The following DCTN4 variants were observed in gnomAD, a reference collection of about 807,000 sequenced individuals.
DCTN4 encodes the protein dynactin 4 (p62).
DCTN4 carries 23 observed loss-of-function variants against 62.7 expected under a neutral mutation model. That is an observed-to-expected ratio of 0.37 (90% CI 0.26 to 0.52). DCTN4 has a LOEUF of 0.52. Among genes scored for constraint, DCTN4 ranks in the 20% least tolerant of loss-of-function variants. The pLI is 0.92. For missense variants in DCTN4, 514 were observed against 580.4 expected (o/e 0.89, Z 1.18); for synonymous variants, 199 against 202.1 (o/e 0.98, Z 0.13).
rs867987278 is a variant in DCTN4 at position 150,746,525 on chromosome 5, T to C, written c.386-4368A>G. The stretch of plus-strand genomic sequence containing the variant: ...GACCAATATCCTTGATGAACATTGA[T>C]GCAAAAATCCTCAATAAAATACTGG... On this transcript the variant is annotated intron_variant, in intron 3 of 12. Transcript: ENST00000447998. Among the ~76,000 whole-genome samples, 5 of 152,220 alleles carry C rather than the reference T, an allele frequency of 3.3e-5. 1 individual carries two copies. Among genetic ancestry groups the C allele is most frequent in the Non-Finnish European group, 1.5e-5 (1 of 68,026 alleles).
chr5:150,711,615 C>T (rs1429646479), intron 12 of DCTN4, among the ~76,000 whole-genome samples: 1 of 152,154 alleles, frequency 6.6e-6, no homozygotes, highest in African/African-American at 2.4e-5. Flanking sequence ...AAGTAACTCT[C>T]CCATCTCAGC....
At chr5:150,715,499 C>G in intron 12 of DCTN4, 66 bp downstream of exon 12, 1 of 1,213,104 alleles carries the variant, frequency 8.2e-7, no homozygotes, top group Non-Finnish European at 1.2e-6. Context: ...GACAAGAAAA[C>G]TGGATATAAG....
chr5:150,748,427 C>T (rs1287315110), intron 3 of DCTN4, among the ~76,000 whole-genome samples: 2 of 152,100 alleles, frequency 1.3e-5, no homozygotes, highest in African/African-American at 4.8e-5. Flanking sequence ...CCCAGCCATC[C>T]CATTACTGGG....
chr5:150,736,373 A>C (rs1338337827), intron 4 of DCTN4: 2 of 152,344 alleles, frequency 1.3e-5, no homozygotes, highest in African/African-American at 4.8e-5. Context: ...ACATCAGATA[A>C]CCTATAAAGG....
intron 10 of DCTN4, among the ~76,000 whole-genome samples, chr5:150,718,786 C>A (rs778278001): frequency 4.6e-5 from 7 of 152,140 alleles, no homozygotes; most frequent in Non-Finnish European, 1.0e-4. Context: ...AAATGGCACA[C>A]CAAGACTACA....
At chr5:150,716,563 T>C (rs1759764327) in intron 11 of DCTN4, among the ~76,000 whole-genome samples, 1 of 152,216 alleles carries the variant, frequency 6.6e-6, no homozygotes, top group African/African-American at 2.4e-5. Context: ...AAAGATATGC[T>C]GTGCTTATGC....
intron 3 of DCTN4, among the ~76,000 whole-genome samples, chr5:150,745,498 G>T (rs1760927946): frequency 1.3e-5 from 2 of 151,970 alleles, no homozygotes; most frequent in South Asian, 4.1e-4. Flanking sequence ...ATTTTTTTCA[G>T]CACCACACCA....
chr5:150,722,765 A>T, intron 9 of DCTN4, 142 bp downstream of exon 9: 1 of 605,470 alleles, frequency 1.7e-6, no homozygotes, highest in Non-Finnish European at 2.8e-6. Context: ...TTAAAAACCT[A>T]AACAGGAACA....
At chr5:150,726,748 G>A (rs1760158606) in intron 8 of DCTN4, among the ~76,000 whole-genome samples, 1 of 152,092 alleles carries the variant, frequency 6.6e-6, no homozygotes, top group Non-Finnish European at 1.5e-5. Flanking sequence ...GCTGTACCGT[G>A]GGCTGGTTAT....
intron 4 of DCTN4, among the ~76,000 whole-genome samples, chr5:150,739,567 T>G (rs1561702815): frequency 6.6e-6 from 1 of 152,158 alleles, no homozygotes; most frequent in East Asian, 1.9e-4. Flanking sequence ...TTCACAGAAC[T>G]AGTAAAAACA....
chr5:150,723,493 G>A (rs1240174260), intron 8 of DCTN4, among the ~76,000 whole-genome samples: 1 of 152,174 alleles, frequency 6.6e-6, no homozygotes, highest in African/African-American at 2.4e-5. Context: ...TTTTGAGATA[G>A]GGTATCACTC....
intron 8 of DCTN4, 53 bp from the exon 9 acceptor site, chr5:150,723,033 G>T: frequency 7.5e-7 from 1 of 1,324,706 alleles, no homozygotes; most frequent in Non-Finnish European, 1.1e-6. Flanking sequence ...ACACTTTGTT[G>T]ATCCATAGAG....
chr5:150,741,349 T>C (rs1215626476), intron 4 of DCTN4, among the ~76,000 whole-genome samples: 2 of 152,204 alleles, frequency 1.3e-5, no homozygotes, highest in Non-Finnish European at 2.9e-5. Flanking sequence ...TATTTTAAAA[T>C]ACTTGTGTGT....
intron 3 of DCTN4, 51 bp downstream of exon 3, chr5:150,753,414 AATCTATGGGCAATT>A (rs1398844103): frequency 2.9e-5 from 42 of 1,447,392 alleles, no homozygotes; most frequent in Non-Finnish European, 5.7e-6. Flanking sequence ...CAGAAATAAT[AATCTATGGGCAATT>A]ATAGCACTGT....
At chr5:150,735,449 T>C (rs1017915157) in intron 4 of DCTN4, among the ~76,000 whole-genome samples, 1 of 152,238 alleles carries the variant, frequency 6.6e-6, no homozygotes, top group Admixed American at 6.5e-5. Context: ...GAGCAGGTGC[T>C]GGTATCCACA....
intron 5 of DCTN4, among the ~76,000 whole-genome samples, chr5:150,732,172 C>T (rs1455048706): frequency 2.0e-5 from 3 of 152,072 alleles, no homozygotes; most frequent in East Asian, 3.9e-4. Flanking sequence ...TTTTTTGAGA[C>T]AGAGTCTCAC....
At position 150,709,929 on chromosome 5, in the gene DCTN4, G is replaced by C. The variant is rs960251744; in HGVS notation, c.*1220C>G. ...GTCTACTTTATCAAGTTTCATTTTA[G>C]AAAACATCATAGAAATTAAGGTTAG... is the stretch of plus-strand genomic sequence containing the variant. On this transcript the variant is annotated 3_prime_UTR_variant, in exon 13 of 13. Coordinates refer to ENST00000447998, the MANE Select transcript of DCTN4 (RefSeq NM_016221.4). 1.3e-5 allele frequency: 2 copies of C among 152,306 alleles called. No homozygotes were observed. The highest frequency in any genetic ancestry group is 2.9e-5 in the Non-Finnish European group (2 of 68,038). 9.4% of individuals were successfully genotyped at this position (152,306 alleles called of 1,614,324 possible).
intron 8 of DCTN4, 121 bp from the exon 9 acceptor site, chr5:150,723,101 A>G (rs966526554): frequency 2.9e-6 from 2 of 694,866 alleles, no homozygotes; most frequent in Non-Finnish European, 4.8e-6. Flanking sequence ...GTTCTGCTAT[A>G]AGACCATATG....
chr5:150,731,684 TA>T, intron 5 of DCTN4, 195 bp from the exon 6 acceptor site: 1 of 641,284 alleles, frequency 1.6e-6, no homozygotes, highest in Non-Finnish European at 2.7e-6. Flanking sequence ...ATAACAGCAC[TA>T]AACATGGAGA....
Sources: gnomAD v4.1 joint callset for allele counts (sites outside exome capture counted in the v4.1 genomes callset) on GRCh38, gnomAD v4.1.1 for gene constraint, MANE v1.5 for transcripts, NCBI Gene and HGNC (gene_info 2026-07-23, HGNC 2026-07-21) for gene names.